The following SLC24A2 variants were observed in gnomAD, a reference collection of about 807,000 sequenced individuals.
SLC24A2 encodes the protein solute carrier family 24 member 2, also known as sodium/potassium/calcium exchanger 2.
A neutral mutation model predicts 62.0 loss-of-function variants in SLC24A2; 36 were observed. The observed-to-expected ratio is 0.58, with a 90% confidence interval of 0.44 to 0.77. SLC24A2 has a LOEUF of 0.77. SLC24A2 is among the 30% of genes least tolerant of loss of function. SLC24A2 has a pLI of 0.00. For synonymous variants in SLC24A2, 358 were observed against 294.0 expected (o/e 1.22, Z -2.23); for missense variants, 846 against 817.9 (o/e 1.03, Z -0.42).
chr9:19,826,357 G>A, the SLC24A2 span, among the ~76,000 whole-genome samples: 2 of 152,036 alleles, frequency 1.3e-5, no homozygotes, highest in Non-Finnish European at 2.9e-5. Context: ...CCAAGTGTAG[G>A]CAAGAGGGAG....
At chr9:20,031,683 C>T in the SLC24A2 span, among the ~76,000 whole-genome samples, 37 of 152,196 alleles carry the variant, frequency 2.4e-4, no homozygotes, top group East Asian at 6.6e-3. Flanking sequence ...TTATAGAACA[C>T]AGCCTCCATA....
chr9:19,534,999 A>G (rs201652934), intron 8 of SLC24A2, among the ~76,000 whole-genome samples: 1 of 152,044 alleles, frequency 6.6e-6, no homozygotes, highest in African/African-American at 2.4e-5. Context: ...TTCCTATTTC[A>G]CCACATCCTC....
chr9:19,817,167 C>G, the SLC24A2 span, among the ~76,000 whole-genome samples: 1 of 151,894 alleles, frequency 6.6e-6, no homozygotes, highest in African/African-American at 2.4e-5. Flanking sequence ...CAAAATGCAC[C>G]AGGAGGGGCA....
At chr9:19,777,298 A>C (rs531311051) in intron 2 of SLC24A2, among the ~76,000 whole-genome samples, 1 of 152,328 alleles carries the variant, frequency 6.6e-6, no homozygotes, top group East Asian at 1.9e-4. Flanking sequence ...ATTTAAAACA[A>C]TTAATTAAAA....
intron 4 of SLC24A2, among the ~76,000 whole-genome samples, chr9:19,608,751 G>A (rs149953541): frequency 6.6e-6 from 1 of 151,486 alleles, no homozygotes; most frequent in Non-Finnish European, 1.5e-5. Flanking sequence ...TTAGTTTCCT[G>A]CACTGAAATC....
chr9:19,615,569 C>T (rs1817745768), intron 4 of SLC24A2, among the ~76,000 whole-genome samples: 1 of 152,198 alleles, frequency 6.6e-6, no homozygotes, highest in African/African-American at 2.4e-5. Flanking sequence ...TGGCCGCCTG[C>T]TATGGAGCAA....
chr9:19,654,490 A>G (rs1394671700), intron 2 of SLC24A2, among the ~76,000 whole-genome samples: 1 of 152,102 alleles, frequency 6.6e-6, no homozygotes, highest in Non-Finnish European at 1.5e-5. Context: ...CGATTGCTCC[A>G]TTGTGGAATC....
chr9:20,240,431 C>T, the SLC24A2 span, among the ~76,000 whole-genome samples: 1 of 152,120 alleles, frequency 6.6e-6, no homozygotes, highest in Non-Finnish European at 1.5e-5. Context: ...GCTCAAGACT[C>T]TTCTCTCAAT....
At chr9:19,923,257 T>G in the SLC24A2 span, among the ~76,000 whole-genome samples, 2 of 152,200 alleles carry the variant, frequency 1.3e-5, no homozygotes, top group Non-Finnish European at 2.9e-5. Flanking sequence ...CATACTTTCC[T>G]GCATTTCATG....
the SLC24A2 span, among the ~76,000 whole-genome samples, chr9:20,080,501 T>C: frequency 6.6e-6 from 1 of 152,104 alleles, no homozygotes; most frequent in Non-Finnish European, 1.5e-5. Flanking sequence ...GACTTACATG[T>C]TAGACCTAAA....
chr9:19,516,480 A>T, intron 10 of SLC24A2, 78 bp from the exon 11 acceptor site: 1 of 1,467,586 alleles, frequency 6.8e-7, no homozygotes, highest in Non-Finnish European at 9.4e-7. Context: ...GGCAAATATA[A>T]CCTATTATTA....
the SLC24A2 span, among the ~76,000 whole-genome samples, chr9:20,110,628 A>G: frequency 6.6e-6 from 1 of 152,176 alleles, no homozygotes; most frequent in East Asian, 1.9e-4. Context: ...GTGTGGCTAA[A>G]AAGTACCTAT....
At chr9:20,045,772 C>T in the SLC24A2 span, among the ~76,000 whole-genome samples, 4 of 152,106 alleles carry the variant, frequency 2.6e-5, no homozygotes, top group Admixed American at 1.3e-4. Context: ...TTCTGCTGGC[C>T]GTCCATGCAT....
At chr9:20,071,592 G>A in the SLC24A2 span, among the ~76,000 whole-genome samples, 1 of 152,132 alleles carries the variant, frequency 6.6e-6, no homozygotes, top group Non-Finnish European at 1.5e-5. Context: ...ATTATATGGT[G>A]TTTCAGGAAA....
At chr9:19,521,443 T>A (rs753750580) in intron 9 of SLC24A2, among the ~76,000 whole-genome samples, 2 of 152,210 alleles carry the variant, frequency 1.3e-5, no homozygotes, top group Admixed American at 6.5e-5. Flanking sequence ...GTGGAAGATT[T>A]GCCCTTCAAC....
the SLC24A2 span, among the ~76,000 whole-genome samples, chr9:20,294,908 C>T: frequency 1.3e-5 from 2 of 152,042 alleles, no homozygotes; most frequent in Non-Finnish European, 2.9e-5. Flanking sequence ...TACCACTCTA[C>T]TCAGATACTG....
At chr9:20,028,773 G>A in the SLC24A2 span, among the ~76,000 whole-genome samples, 1 of 152,116 alleles carries the variant, frequency 6.6e-6, no homozygotes, top group African/African-American at 2.4e-5. Context: ...CTTTGATTCC[G>A]GGCTTTGTAA....
At chr9:20,290,739 A>G in the SLC24A2 span, among the ~76,000 whole-genome samples, 3 of 152,216 alleles carry the variant, frequency 2.0e-5, no homozygotes, top group African/African-American at 7.2e-5. Flanking sequence ...TACAATCTGA[A>G]AGCTGTGGAA....
chr9:19,517,134 GTGATCC>G (rs796507095), intron 10 of SLC24A2, among the ~76,000 whole-genome samples: 92 of 152,214 alleles, frequency 6.0e-4, no homozygotes, highest in African/African-American at 2.1e-3. Context: ...ATCGAGAGTG[GTGATCC>G]TGAAAGACCT....
Sources: gnomAD v4.1 joint callset for allele counts (sites outside exome capture counted in the v4.1 genomes callset) on GRCh38, gnomAD v4.1.1 for gene constraint, MANE v1.5 for transcripts, NCBI Gene and HGNC (gene_info 2026-07-23, HGNC 2026-07-21) for gene names.